The following SNTG1 variants were observed in gnomAD, a reference collection of about 807,000 sequenced individuals.
SNTG1 encodes the protein syntrophin gamma 1, also known as gamma-1-syntrophin.
Under a neutral mutation model 74.7 loss-of-function variants are expected in SNTG1, and 39 were observed. The ratio of observed to expected loss-of-function variants is 0.52; its 90% CI spans 0.40 to 0.68. The LOEUF (loss-of-function observed/expected upper bound fraction) is 0.68, where lower values mean the gene tolerates loss of function less well. Among genes scored for constraint, SNTG1 ranks in the 30% least tolerant of loss-of-function variants. The pLI is 0.00. For missense variants in SNTG1, 685 were observed against 609.5 expected (o/e 1.12, Z -1.30); for synonymous variants, 254 against 217.1 (o/e 1.17, Z -1.49).
intron 11 of SNTG1, among the ~76,000 whole-genome samples, chr8:50,547,324 C>T (rs903200529): frequency 6.6e-6 from 1 of 152,142 alleles, no homozygotes; most frequent in African/African-American, 2.4e-5. Flanking sequence ...ACCATTAAGA[C>T]CCTCTCCATA....
chr8:50,694,264 C>T (rs983429950), intron 15 of SNTG1, among the ~76,000 whole-genome samples: 2 of 151,530 alleles, frequency 1.3e-5, no homozygotes, highest in African/African-American at 4.8e-5. Context: ...AATATTACAT[C>T]TGATACCACA....
At chr8:49,943,846 T>C (rs1479901909) in intron 1 of SNTG1, among the ~76,000 whole-genome samples, 4 of 152,232 alleles carry the variant, frequency 2.6e-5, no homozygotes, top group African/African-American at 9.6e-5. Flanking sequence ...AATAAATATA[T>C]TTTAGTACCC....
intron 2 of SNTG1, among the ~76,000 whole-genome samples, chr8:50,250,610 G>A (rs983133542): frequency 3.9e-5 from 6 of 152,066 alleles, no homozygotes; most frequent in African/African-American, 1.2e-4. Flanking sequence ...TAGACTATCA[G>A]CATATCTCTC....
At chr8:50,436,478 T>C (rs1459653955) in intron 4 of SNTG1, among the ~76,000 whole-genome samples, 1 of 152,122 alleles carries the variant, frequency 6.6e-6, no homozygotes, top group Non-Finnish European at 1.5e-5. Flanking sequence ...TGTGTGTAAA[T>C]ACTAAATTTC....
rs528690815 is a variant in SNTG1, at chr8:50,528,423, G to A, written c.467-1754G>A. On this transcript the variant is annotated intron_variant, in intron 9 of 18. Coordinates refer to ENST00000642720, the MANE Select transcript of SNTG1 (RefSeq NM_018967.5). The stretch of plus-strand genomic sequence containing the variant: ...ATCAAAATATTACATATATGCTTTC[G>A]TTCTTTAGCCTTTTGATATGGTAAA... Among the ~76,000 whole-genome samples the A allele has an allele frequency of 1.6e-4, 25 of 151,846 alleles. No individual in the cohort carries two copies. The South Asian group carries it at 2.5e-3, about 15-fold the overall frequency.
chr8:50,037,356 G>T (rs1303917377), intron 1 of SNTG1, among the ~76,000 whole-genome samples: 1 of 152,088 alleles, frequency 6.6e-6, no homozygotes, highest in African/African-American at 2.4e-5. Flanking sequence ...TCTAACGTGG[G>T]GCCTGAGATT....
At chr8:50,221,552 AGACT>A (rs1563760191) in intron 2 of SNTG1, among the ~76,000 whole-genome samples, 1 of 141,214 alleles carries the variant, frequency 7.1e-6, no homozygotes, top group East Asian at 2.0e-4. Context: ...CACACACACA[AGACT>A]GACAGATAAT....
chr8:50,011,230 C>G (rs927087617), intron 1 of SNTG1, among the ~76,000 whole-genome samples: 3 of 152,114 alleles, frequency 2.0e-5, no homozygotes, highest in African/African-American at 7.2e-5. Flanking sequence ...CTGACTCTTA[C>G]TAGCTTCTAA....
chr8:50,420,812 G>A (rs1474463859), intron 4 of SNTG1, among the ~76,000 whole-genome samples: 1 of 151,770 alleles, frequency 6.6e-6, no homozygotes, highest in East Asian at 1.9e-4. Context: ...GGATCATGAG[G>A]CCAAGAGATC....
At chr8:49,935,745 G>A (rs1808026347) in intron 1 of SNTG1, among the ~76,000 whole-genome samples, 1 of 152,138 alleles carries the variant, frequency 6.6e-6, no homozygotes, top group African/African-American at 2.4e-5. Context: ...AGTGTTGGAA[G>A]CCAGATTTCC....
chr8:50,744,332 T>C (rs1414660269), intron 17 of SNTG1, among the ~76,000 whole-genome samples: 1 of 152,036 alleles, frequency 6.6e-6, no homozygotes, highest in Non-Finnish European at 1.5e-5. Flanking sequence ...CAATTTTATT[T>C]ACAATAACAT....
chr8:49,978,744 A>T (rs1229618738), intron 1 of SNTG1, among the ~76,000 whole-genome samples: 2 of 152,216 alleles, frequency 1.3e-5, no homozygotes, highest in Admixed American at 6.5e-5. Context: ...TTGGGCAGTT[A>T]CTTGTTTCCC....
At chr8:50,240,138 G>C (rs1289808538) in intron 2 of SNTG1, among the ~76,000 whole-genome samples, 1 of 152,178 alleles carries the variant, frequency 6.6e-6, no homozygotes, top group East Asian at 1.9e-4. Flanking sequence ...TAATATGCCT[G>C]TTAGACTTTT....
Position 50,550,692 on chromosome 8 carries a change from T to G in SNTG1, c.681-2358T>G, listed in dbSNP as rs1475999799. Among the ~76,000 whole-genome samples the G allele has an allele frequency of 1.0e-4, 15 of 149,006 alleles. No individual in the cohort carries two copies. The East Asian group carries it at 2.9e-3, about 29-fold the overall frequency. On this transcript the variant is annotated intron_variant, in intron 11 of 18. Transcript: ENST00000642720. The stretch of plus-strand genomic sequence containing the variant: ...GTGATGTAATTTTTTTTAGTGTGTG[T>G]GTATATATATATATATGACACATAA...
At position 50,511,692 on chromosome 8, in the gene SNTG1, T is replaced by A. The variant is rs920571183; in HGVS notation, c.466+8812T>A. Among the ~76,000 whole-genome samples, 6 of 152,214 alleles carry A rather than the reference T, an allele frequency of 3.9e-5. No individual in the cohort carries two copies. In the South Asian group the frequency reaches 6.2e-4, roughly 16 times the overall value. On this transcript the variant is annotated intron_variant, in intron 9 of 18. Transcript: ENST00000642720. The stretch of plus-strand genomic sequence containing the variant: ...TAATGGCCTTCTTTGTCTCTTTTCA[T>A]CTTTGTTGGTTTAAAGTCTGTTTTA...
chr8:50,344,413 A>G (rs1470830801), intron 2 of SNTG1, among the ~76,000 whole-genome samples: 1 of 152,194 alleles, frequency 6.6e-6, no homozygotes, highest in Admixed American at 6.5e-5. Context: ...CCTGGGAGGC[A>G]GGCAGCCTCA....
intron 17 of SNTG1, among the ~76,000 whole-genome samples, chr8:50,711,002 A>G (rs2095459995): frequency 6.6e-6 from 1 of 152,272 alleles, no homozygotes; most frequent in Non-Finnish European, 1.5e-5. Flanking sequence ...TATATTATCC[A>G]TCACTGATTA....
intron 1 of SNTG1, among the ~76,000 whole-genome samples, chr8:50,078,054 A>C (rs941530443): frequency 1.3e-5 from 2 of 152,122 alleles, no homozygotes; most frequent in Non-Finnish European, 2.9e-5. Context: ...TCCCAATTTA[A>C]TTGTCATGTC....
intron 1 of SNTG1, among the ~76,000 whole-genome samples, chr8:50,150,331 A>G (rs2082022361): frequency 6.6e-6 from 1 of 152,188 alleles, no homozygotes; most frequent in African/African-American, 2.4e-5. Flanking sequence ...CAATCATGTC[A>G]TCTGCAAACA....
Sources: allele counts gnomAD v4.1 joint callset (sites outside exome capture counted in the v4.1 genomes callset), GRCh38; gene constraint gnomAD v4.1.1; transcripts MANE v1.5; gene names NCBI Gene and HGNC (gene_info 2026-07-23, HGNC 2026-07-21).